The following CDH13 variants were observed in gnomAD, a reference collection of about 807,000 sequenced individuals.
The protein encoded by CDH13 is cadherin-13.
In CDH13, 24 loss-of-function variants were observed where a neutral mutation model predicts 63.8. The ratio of observed to expected loss-of-function variants is 0.38; its 90% CI spans 0.27 to 0.53. The LOEUF (loss-of-function observed/expected upper bound fraction) is 0.53. CDH13 is among the 20% of genes least tolerant of loss of function. CDH13 has a pLI of 0.85. For missense variants in CDH13, 1,049 were observed against 903.1 expected, an observed-to-expected ratio of 1.16 and a Z score of -2.07; for synonymous variants, 503 against 355.3, an observed-to-expected ratio of 1.42 and a Z score of -4.67.
intron 4 of CDH13, among the ~76,000 whole-genome samples, chr16:83,196,651 A>C (rs1160409682): frequency 1.3e-5 from 2 of 152,232 alleles, no homozygotes; most frequent in African/African-American, 2.4e-5. Context: ...ATTTCAGCAA[A>C]GGGGATATGA....
At chr16:83,775,693 G>A (rs904670096) in intron 11 of CDH13, among the ~76,000 whole-genome samples, 1 of 151,604 alleles carries the variant, frequency 6.6e-6, no homozygotes, top group African/African-American at 2.4e-5. Flanking sequence ...TGCAGCCTGG[G>A]AGACAGAGCG....
chr16:83,395,973 G>A lies in CDH13; in HGVS notation c.781+50967G>A, dbSNP rs116435156. Among the ~76,000 whole-genome samples, 292 of 152,194 alleles carry A rather than the reference G, an allele frequency of 1.9e-3. 2 individuals are homozygous for A. The highest frequency in any genetic ancestry group is 6.9e-3 in the African/African-American group (285 of 41,530). The stretch of plus-strand genomic sequence containing the variant: ...TCCTCCCATCCTCCACCCTCCTGGT[G>A]TGTGTTGTTCCCCTCTATATGTCCA... On this transcript the variant is annotated intron_variant, in intron 6 of 13. Transcript: ENST00000567109.
intron 6 of CDH13, among the ~76,000 whole-genome samples, chr16:83,373,996 G>C (rs575157135): frequency 2.6e-5 from 4 of 152,180 alleles, no homozygotes; most frequent in African/African-American, 9.7e-5. Flanking sequence ...ACAGGAAGTC[G>C]AAGGTCTTTC....
rs71148812 is a variant in CDH13, at chr16:83,102,930, C to CTTTTTT, written c.367-22449_367-22444dup. 9.4e-4 allele frequency among the ~76,000 whole-genome samples: 91 copies of CTTTTTT among 96,858 alleles called. 2 individuals carry two copies. Among genetic ancestry groups the CTTTTTT allele is most frequent in the African/African-American group, 1.2e-3 (25 of 21,640 alleles). The allele number at this position is 96,858 out of a possible 152,430, so 63.5% of individuals were successfully genotyped here. On this transcript the variant is annotated intron_variant, in intron 3 of 13. Transcript: ENST00000567109. ...AACTTTCTTTTTTTTTTTTCTTTTT[C>CTTTTTT]TTTTTTTTTTTCTTTTTCTTTTTTT...
chr16:82,704,405 G>T (rs2031308382), intron 1 of CDH13, among the ~76,000 whole-genome samples: 1 of 152,146 alleles, frequency 6.6e-6, no homozygotes, highest in African/African-American at 2.4e-5. Context: ...CATTTTTGGT[G>T]GATGTTCTTC....
chr16:82,970,091 C>T (rs1400144915), intron 2 of CDH13, among the ~76,000 whole-genome samples: 1 of 152,086 alleles, frequency 6.6e-6, no homozygotes, highest in African/African-American at 2.4e-5. Context: ...TCCCCTAGAC[C>T]CCTACCCATC....
chr16:82,888,844 A>G (rs2040981102), intron 2 of CDH13, among the ~76,000 whole-genome samples: 1 of 152,180 alleles, frequency 6.6e-6, no homozygotes, highest in African/African-American at 2.4e-5. Context: ...ATTGTTTTCT[A>G]TAGTCTGTCT....
intron 4 of CDH13, 57 bp from the exon 5 acceptor site, chr16:83,217,288 T>A: frequency 1.9e-6 from 3 of 1,577,214 alleles, no homozygotes; most frequent in Admixed American, 1.7e-5. Context: ...ATGTTTGCAA[T>A]GTGCTTTCTC....
At chr16:82,696,222 G>T (rs2030269577) in intron 1 of CDH13, among the ~76,000 whole-genome samples, 1 of 152,094 alleles carries the variant, frequency 6.6e-6, no homozygotes, top group Non-Finnish European at 1.5e-5. Context: ...TAATTCTATT[G>T]TGTTGCTTTT....
intron 2 of CDH13, among the ~76,000 whole-genome samples, chr16:82,903,161 A>G (rs1432856595): frequency 1.3e-5 from 2 of 152,266 alleles, no homozygotes; most frequent in Admixed American, 6.5e-5. Flanking sequence ...CTGTTGACTT[A>G]TTCATAGGAT....
At chr16:83,451,277 G>A (rs1405054648) in intron 6 of CDH13, among the ~76,000 whole-genome samples, 5 of 152,182 alleles carry the variant, frequency 3.3e-5, no homozygotes, top group Non-Finnish European at 5.9e-5. Flanking sequence ...CGAAGGAGGA[G>A]CAAAGTTACA....
intron 11 of CDH13, among the ~76,000 whole-genome samples, chr16:83,748,868 G>A (rs181450663): frequency 5.9e-4 from 90 of 152,346 alleles, no homozygotes; most frequent in Admixed American, 2.2e-3. Context: ...AAAGTGCCAC[G>A]ATTGTTCTCT....
chr16:83,057,597 A>G (rs925325054), intron 3 of CDH13, among the ~76,000 whole-genome samples: 3 of 152,104 alleles, frequency 2.0e-5, no homozygotes, highest in African/African-American at 7.2e-5. Context: ...GTTAAAAAAA[A>G]AAAAAGGCTC....
intron 5 of CDH13, among the ~76,000 whole-genome samples, chr16:83,331,967 T>A (rs2090490877): frequency 6.6e-6 from 1 of 152,152 alleles, no homozygotes; most frequent in Non-Finnish European, 1.5e-5. Context: ...AGGCTAAATT[T>A]CTACAAGTGA....
intron 2 of CDH13, among the ~76,000 whole-genome samples, chr16:82,908,208 A>T (rs889332879): frequency 1.3e-5 from 2 of 152,158 alleles, no homozygotes; most frequent in Non-Finnish European, 2.9e-5. Flanking sequence ...GACATTCCAC[A>T]GGATATTGTC....
intron 2 of CDH13, among the ~76,000 whole-genome samples, chr16:82,976,108 A>G (rs17744917): frequency 0.042 from 6,344 of 152,296 alleles, 140 homozygotes; most frequent in Admixed American, 0.052. Context: ...GGAGACAAGA[A>G]AAGTATTTTT....
intron 5 of CDH13, among the ~76,000 whole-genome samples, chr16:83,286,774 A>ATG (rs1401601827): frequency 2.0e-5 from 3 of 148,120 alleles, no homozygotes; most frequent in African/African-American, 4.9e-5. Flanking sequence ...AAAAATGTAT[A>ATG]TATATATATT....
rs141556900 is a variant in CDH13 at position 83,464,680 on chromosome 16, C to T, written c.782-21797C>T. Reference sequence around the variant, plus strand: ...TGGCCCTCCTCTTATTACAAGGATACCCCAAGGCTGGACGGAATGCCTGCC... The same window carrying T: ...TGGCCCTCCTCTTATTACAAGGATATCCCAAGGCTGGACGGAATGCCTGCC... On this transcript the variant is annotated intron_variant, in intron 6 of 13. Transcript: ENST00000567109. Among the ~76,000 whole-genome samples, 55 of 152,156 alleles carry T rather than the reference C, an allele frequency of 3.6e-4. No homozygotes were observed. In the East Asian group the frequency reaches 0.011, roughly 30 times the overall value.
At chr16:83,143,839 T>TA (rs1311074373) in intron 4 of CDH13, among the ~76,000 whole-genome samples, 2 of 152,030 alleles carry the variant, frequency 1.3e-5, no homozygotes, top group Non-Finnish European at 2.9e-5. Context: ...CTGACTCTAT[T>TA]AAGATAAACT....
Sources: allele counts gnomAD v4.1 joint callset (sites outside exome capture counted in the v4.1 genomes callset), GRCh38; gene constraint gnomAD v4.1.1; transcripts MANE v1.5; gene names NCBI Gene and HGNC (gene_info 2026-07-23, HGNC 2026-07-21).